Variants in IMPG2 observed in about 807,000 individuals in gnomAD.
The protein encoded by IMPG2 is IPM 200.
Under a neutral mutation model 129.2 loss-of-function variants are expected in IMPG2, and 91 were observed. The ratio of observed to expected loss-of-function variants is 0.70; its 90% CI spans 0.59 to 0.84. The LOEUF is 0.84. IMPG2 is among the 40% of genes least tolerant of loss of function. The pLI is 0.00. For synonymous variants in IMPG2, 510 were observed against 517.7 expected (o/e 0.99, Z 0.20); for missense variants, 1,430 against 1,461.7 (o/e 0.98, Z 0.35).
chr3:101,284,556 T>A (rs1211597221), intron 4 of IMPG2, among the ~76,000 whole-genome samples: 1 of 94,930 alleles, frequency 1.1e-5, no homozygotes, highest in East Asian at 3.6e-4. Flanking sequence ...TATTTATCAA[T>A]ATGAACAACA....
At chr3:101,256,216 A>AGAAAGAAG (rs1706606794) in intron 10 of IMPG2, among the ~76,000 whole-genome samples, 1 of 146,030 alleles carries the variant, frequency 6.8e-6, no homozygotes, top group African/African-American at 2.7e-5. Context: ...AAAGAAAGAA[A>AGAAAGAAG]GAAAAAAATA....
intron 11 of IMPG2, among the ~76,000 whole-genome samples, chr3:101,252,015 C>G (rs1706549547): frequency 6.6e-6 from 1 of 152,080 alleles, no homozygotes; most frequent in Admixed American, 6.6e-5. Flanking sequence ...TAATGATTGT[C>G]CTACAGTAAT....
chr3:101,246,160 T>C (rs565476742), intron 11 of IMPG2, 55 bp from the exon 12 acceptor site: 2 of 1,530,648 alleles, frequency 1.3e-6, no homozygotes, highest in East Asian at 4.5e-5. Flanking sequence ...ATATAAAAAG[T>C]GATTTTAAAT....
At chr3:101,227,879 T>C (rs1559638276) in intron 18 of IMPG2, 1 of 456,194 alleles carries the variant, frequency 2.2e-6, no homozygotes, top group Non-Finnish European at 4.4e-6. Context: ...AGAAAAAGAA[T>C]TTTGAGTAAA....
At position 101,244,679 on chromosome 3, in the gene IMPG2, G is replaced by T; in HGVS notation, c.1652C>A (p.Ser551Tyr). 1 of 1,614,138 alleles carries T rather than the reference G, an allele frequency of 6.2e-7. No homozygotes were observed. Among genetic ancestry groups the T allele is most frequent in the Non-Finnish European group, 8.5e-7 (1 of 1,179,978 alleles). Residue 551 changes from serine (S) to tyrosine (Y), a missense_variant, in exon 13 of 19, where the codon TCT (serine) becomes TAT (tyrosine). Transcript: ENST00000193391. ...TGGTGAAGATGTTAAGGACACATCA[G>T]AGTCTTCCATGGATGGTATTGTTTC... is the stretch of plus-strand genomic sequence containing the variant. ...PKETIPSMEDSDVSLTSSPYL... is the reference protein window; with the variant it reads ...PKETIPSMEDYDVSLTSSPYL...
intron 2 of IMPG2, among the ~76,000 whole-genome samples, chr3:101,318,190 T>TAA (rs2058795006): frequency 2.2e-5 from 3 of 138,414 alleles, no homozygotes; most frequent in Non-Finnish European, 4.7e-5. Context: ...AATAATAATA[T>TAA]AAAGTAAAAA....
intron 3 of IMPG2, among the ~76,000 whole-genome samples, chr3:101,298,874 G>A (rs1465415115): frequency 6.6e-6 from 1 of 152,158 alleles, no homozygotes; most frequent in Non-Finnish European, 1.5e-5. Flanking sequence ...ATGATTATGT[G>A]TCTTGGGGTT....
chr3:101,234,555 C>T (rs754982096), intron 14 of IMPG2, among the ~76,000 whole-genome samples: 21 of 152,160 alleles, frequency 1.4e-4, no homozygotes, highest in Non-Finnish European at 2.4e-4. Context: ...ACAGGAAAAA[C>T]ATACAAATGT....
chr3:101,261,414 A>G (rs1559647880), intron 9 of IMPG2, among the ~76,000 whole-genome samples: 1 of 152,280 alleles, frequency 6.6e-6, no homozygotes, highest in South Asian at 2.1e-4. Context: ...TTTAAATGTA[A>G]TAGGGAAAAG....
At chr3:101,264,867 T>C (rs1706706165) in intron 9 of IMPG2, among the ~76,000 whole-genome samples, 1 of 150,892 alleles carries the variant, frequency 6.6e-6, no homozygotes, top group Admixed American at 6.6e-5. Context: ...GGATACAAAA[T>C]CAACTTAAAA....
intron 2 of IMPG2, among the ~76,000 whole-genome samples, chr3:101,307,553 C>T (rs1363839754): frequency 6.6e-6 from 1 of 152,058 alleles, no homozygotes; most frequent in Non-Finnish European, 1.5e-5. Context: ...GGGGAAAGCC[C>T]CTTAAAAAGC....
intron 14 of IMPG2, among the ~76,000 whole-genome samples, chr3:101,239,046 C>T (rs761701242): frequency 1.3e-5 from 2 of 152,140 alleles, no homozygotes; most frequent in Non-Finnish European, 2.9e-5. Flanking sequence ...AAACACCAAA[C>T]ACCAAAAGCA....
intron 11 of IMPG2, among the ~76,000 whole-genome samples, chr3:101,246,957 A>G (rs1044724479): frequency 2.0e-5 from 3 of 152,096 alleles, no homozygotes; most frequent in East Asian, 1.9e-4. Flanking sequence ...TTAGCCAGGC[A>G]TGGTGGCACA....
intron 10 of IMPG2, among the ~76,000 whole-genome samples, chr3:101,254,204 G>T (rs1163130895): frequency 6.6e-6 from 1 of 152,084 alleles, no homozygotes; most frequent in African/African-American, 2.4e-5. Flanking sequence ...TGGGAAGAAA[G>T]TACCTTTGAA....
intron 11 of IMPG2, among the ~76,000 whole-genome samples, chr3:101,249,508 A>G (rs564236781): frequency 2.0e-4 from 30 of 152,298 alleles, no homozygotes; most frequent in African/African-American, 6.7e-4. Flanking sequence ...AAGAAAAGTG[A>G]TAAAAAGTAT....
At chr3:101,300,915 C>T (rs1707133579) in intron 3 of IMPG2, among the ~76,000 whole-genome samples, 1 of 152,238 alleles carries the variant, frequency 6.6e-6, no homozygotes, top group Non-Finnish European at 1.5e-5. Context: ...GACATACTTT[C>T]CTCACTATAC....
At chr3:101,280,914 A>G (rs1285456568) in intron 4 of IMPG2, among the ~76,000 whole-genome samples, 1 of 151,932 alleles carries the variant, frequency 6.6e-6, no homozygotes, top group East Asian at 1.9e-4. Flanking sequence ...GGGCCACTGC[A>G]CTCCAGCCTG....
intron 11 of IMPG2, among the ~76,000 whole-genome samples, chr3:101,246,930 TCAA>T (rs1203715499): frequency 6.6e-6 from 1 of 151,744 alleles, no homozygotes; most frequent in East Asian, 2.0e-4. Flanking sequence ...AGACCGCATC[TCAA>T]CAACAACAAA....
At chr3:101,228,701 T>C (rs905182507) in intron 18 of IMPG2, 96 bp downstream of exon 18, 34 of 968,454 alleles carry the variant, frequency 3.5e-5, no homozygotes, top group Admixed American at 5.2e-5. Context: ...TCCTGTCACA[T>C]GGACAGGAAA....
Sources: allele counts gnomAD v4.1 joint callset (sites outside exome capture counted in the v4.1 genomes callset), GRCh38; gene constraint gnomAD v4.1.1; transcripts MANE v1.5; gene names NCBI Gene and HGNC (gene_info 2026-07-23, HGNC 2026-07-21).